The following HMCN1 variants were observed in gnomAD, a reference collection of about 807,000 sequenced individuals.
The protein encoded by HMCN1 is hemicentin-1.
A neutral mutation model predicts 625.9 loss-of-function variants in HMCN1; 321 were observed. The observed-to-expected ratio is 0.51, with a 90% CI of 0.47 to 0.56. The LOEUF (loss-of-function observed/expected upper bound fraction) is 0.56. Ranked by LOEUF, HMCN1 falls within the 20% of genes least tolerant of loss-of-function variation. The pLI, the probability that HMCN1 is intolerant of heterozygous loss-of-function variation, is 0.00. For synonymous variants in HMCN1, 2,425 were observed against 2,417.6 expected (o/e 1.00, Z -0.09); for missense variants, 6,588 against 6,887.3 (o/e 0.96, Z 1.54).
At chr1:186,027,176 C>A (rs1038674378) in intron 36 of HMCN1, among the ~76,000 whole-genome samples, 10 of 152,132 alleles carry the variant, frequency 6.6e-5, no homozygotes, top group Non-Finnish European at 1.0e-4. Context: ...ACGTCATGAT[C>A]AAGAAAAGAG....
At chr1:185,851,301 T>C (rs1216441836) in intron 2 of HMCN1, among the ~76,000 whole-genome samples, 1 of 152,140 alleles carries the variant, frequency 6.6e-6, no homozygotes, top group Non-Finnish European at 1.5e-5. Context: ...CTTTCATATT[T>C]AAATTGGTTT....
At position 186,144,542 on chromosome 1, in the gene HMCN1, A is replaced by G; in HGVS notation, c.14105A>G (p.Lys4702Arg). ...TTTTCCCTTATTCCAGTTCATGGCA[A>G]GTGGGCGACTTGGGCCAGTTGGAGT... is the stretch of plus-strand genomic sequence containing the variant. ...CNERNCPIHG[K>R]WATWASWSAC... Residue 4702 changes from lysine to arginine, a missense_variant, in exon 91 of 107, where the codon AAG becomes AGG. By Grantham distance (26) the Lys-to-Arg change is conservative. This residue lies in a region of HMCN1 where 1,954 missense variants were observed against 2,013.1 expected (regional missense o/e 0.97). Coordinates refer to ENST00000271588, the MANE Select transcript of HMCN1 (RefSeq NM_031935.3). The G allele has an allele frequency of 1.2e-6, 2 of 1,614,058 alleles. No individual in the cohort carries two copies. Among genetic ancestry groups the G allele is most frequent in the Non-Finnish European group, 1.7e-6 (2 of 1,179,998 alleles).
At position 186,055,387 on chromosome 1, in the gene HMCN1, C is replaced by T. The variant is rs202080081; in HGVS notation, c.6863-6C>T. ...TTGTTTCTTTTTATCTTCCTCCAAC[C>T]CTCAGTTAGACCAACCATAACCAAC... is the stretch of plus-strand genomic sequence containing the variant. On this transcript the variant is annotated splice_polypyrimidine_tract_variant and splice_region_variant and intron_variant, in intron 44 of 106. Transcript: ENST00000271588. 8.1e-6 allele frequency: 13 copies of T among 1,611,890 alleles called. No homozygotes were observed. Among genetic ancestry groups the T allele is most frequent in the Non-Finnish European group, 1.1e-5 (13 of 1,178,634 alleles).
chr1:185,889,768 T>C (rs999958017), intron 4 of HMCN1, among the ~76,000 whole-genome samples: 29 of 141,036 alleles, frequency 2.1e-4, no homozygotes, highest in Non-Finnish European at 3.7e-4. Flanking sequence ...GGTCTAAAAT[T>C]CTCTTTTTTG....
chr1:186,159,189 A>G (rs1057505207), intron 97 of HMCN1, among the ~76,000 whole-genome samples: 2 of 152,032 alleles, frequency 1.3e-5, no homozygotes, highest in African/African-American at 4.8e-5. Flanking sequence ...TTCTCTTTGA[A>G]GCAATTGTGA....
chr1:185,809,959 G>A (rs1396932442), intron 1 of HMCN1, among the ~76,000 whole-genome samples: 1 of 151,986 alleles, frequency 6.6e-6, no homozygotes, highest in Non-Finnish European at 1.5e-5. Flanking sequence ...GGATATCTTT[G>A]CCCCTACTCA....
chr1:185,991,878 A>G (rs1377183961), intron 22 of HMCN1, among the ~76,000 whole-genome samples: 2 of 152,128 alleles, frequency 1.3e-5, no homozygotes, highest in Non-Finnish European at 2.9e-5. Context: ...AAGGGACAGT[A>G]TTGGTTGTCC....
chr1:186,175,518 C>T lies in HMCN1; in HGVS notation c.15943+876C>T, dbSNP rs565085167. ...CTAGAAACTCTTTTAAAAGAAAATG[C>T]TTTTTAATAACAGGAATACAGATCA... On this transcript the variant is annotated intron_variant, in intron 103 of 106. Transcript: ENST00000271588. Among the ~76,000 whole-genome samples the T allele has an allele frequency of 5.9e-5, 9 of 152,182 alleles. No individual in the cohort carries two copies. In the South Asian group the frequency reaches 1.9e-3, roughly 32 times the overall value.
At chr1:185,844,651 A>T (rs1196509925) in intron 1 of HMCN1, among the ~76,000 whole-genome samples, 3 of 152,214 alleles carry the variant, frequency 2.0e-5, no homozygotes, top group Non-Finnish European at 2.9e-5. Context: ...ATGAGTCTAT[A>T]TCATCATTAC....
intron 1 of HMCN1, among the ~76,000 whole-genome samples, chr1:185,836,693 A>T (rs909249581): frequency 2.6e-5 from 4 of 152,056 alleles, no homozygotes; most frequent in African/African-American, 9.7e-5. Context: ...TTTTAGGTAA[A>T]TGGCATGTAG....
chr1:185,935,042 A>G (rs1241014190), intron 11 of HMCN1, among the ~76,000 whole-genome samples: 10 of 152,174 alleles, frequency 6.6e-5, no homozygotes, highest in Admixed American at 2.0e-4. Context: ...TGCCTAGATA[A>G]TATGAGTCGA....
At chr1:186,164,397 A>G (rs545988439) in intron 97 of HMCN1, among the ~76,000 whole-genome samples, 113 of 151,484 alleles carry the variant, frequency 7.5e-4, no homozygotes, top group Non-Finnish European at 3.5e-4. Flanking sequence ...CTGCCACCAC[A>G]CCTGGCTAAT....
At chr1:185,895,679 A>G (rs182432269) in intron 4 of HMCN1, among the ~76,000 whole-genome samples, 102 of 152,296 alleles carry the variant, frequency 6.7e-4, no homozygotes, top group Non-Finnish European at 1.1e-3. Context: ...ACCATGATGA[A>G]TTTCCAAATA....
At position 186,114,091 on chromosome 1, in the gene HMCN1, G is replaced by A. The variant is rs780346693; in HGVS notation, c.11244G>A (p.Lys3748=). 1.9e-6 allele frequency: 3 copies of A among 1,614,106 alleles called. No homozygotes were observed. Among genetic ancestry groups the A allele is most frequent in the Non-Finnish European group, 2.5e-6 (3 of 1,179,970 alleles). ...CAACTCCAAGGATAACATGGAGAAA[G>A]GATGGAGCTGTTCTAGCTGGGAATC... ...GVPTPRITWR[K]DGAVLAGNHA... Residue 3748 remains lysine, a synonymous_variant, in exon 73 of 107, where the codon AAG becomes AAA. Coordinates refer to ENST00000271588, the MANE Select transcript of HMCN1 (RefSeq NM_031935.3).
At chr1:185,956,487 A>G (rs984358335) in intron 11 of HMCN1, among the ~76,000 whole-genome samples, 2 of 152,220 alleles carry the variant, frequency 1.3e-5, no homozygotes, top group African/African-American at 4.8e-5. Context: ...GGATATTACA[A>G]AGAATACAGA....
At chr1:186,110,142 C>T (rs921118212) in intron 71 of HMCN1, among the ~76,000 whole-genome samples, 6 of 151,890 alleles carry the variant, frequency 4.0e-5, no homozygotes, top group Admixed American at 6.6e-5. Context: ...AATATTGGCC[C>T]GTATTTCATC....
At chr1:186,104,482 T>C (rs1660522010) in intron 69 of HMCN1, among the ~76,000 whole-genome samples, 1 of 152,164 alleles carries the variant, frequency 6.6e-6, no homozygotes, top group Non-Finnish European at 1.5e-5. Context: ...TGTTGCATTT[T>C]TCACTGAGAA....
chr1:185,861,263 T>A (rs1404642087), intron 2 of HMCN1, among the ~76,000 whole-genome samples: 1 of 152,204 alleles, frequency 6.6e-6, no homozygotes, highest in Non-Finnish European at 1.5e-5. Flanking sequence ...ATTCCTAATA[T>A]GTGCCTTCAG....
chr1:186,084,035 T>G (rs1171485613), intron 57 of HMCN1, among the ~76,000 whole-genome samples: 1 of 152,136 alleles, frequency 6.6e-6, no homozygotes, highest in Non-Finnish European at 1.5e-5. Flanking sequence ...TACTGATTAG[T>G]TTTCCTGATT....
Sources: allele counts gnomAD v4.1 joint callset (sites outside exome capture counted in the v4.1 genomes callset), GRCh38; gene constraint gnomAD v4.1.1; regional missense constraint gnomAD v4.1.1; transcripts MANE v1.5; gene names NCBI Gene and HGNC (gene_info 2026-07-23, HGNC 2026-07-21).